The following SYNPR variants were observed in gnomAD, a reference collection of about 807,000 sequenced individuals.
SYNPR encodes synaptoporin.
In SYNPR, 23 loss-of-function variants were observed where a neutral mutation model predicts 32.9. The observed-to-expected ratio is 0.70, with a 90% CI of 0.50 to 0.99. The LOEUF (loss-of-function observed/expected upper bound fraction) is 0.99, where lower values mean the gene tolerates loss of function less well. Among genes scored for constraint, SYNPR ranks in the 50% least tolerant of loss-of-function variants. The pLI is 0.00. For missense variants in SYNPR, 318 were observed against 349.3 expected, an observed-to-expected ratio of 0.91 and a Z score of 0.71; for synonymous variants, 146 against 135.9, an observed-to-expected ratio of 1.07 and a Z score of -0.52.
At chr3:63,248,337 G>C (rs761879288) in intron 1 of SYNPR, among the ~76,000 whole-genome samples, 11 of 152,092 alleles carry the variant, frequency 7.2e-5, no homozygotes, top group Non-Finnish European at 1.2e-4. Context: ...ATGGCTTCAG[G>C]ACATGGTAGC....
At chr3:63,484,435 T>C (rs904564576) in intron 3 of SYNPR, among the ~76,000 whole-genome samples, 2 of 152,122 alleles carry the variant, frequency 1.3e-5, no homozygotes, top group African/African-American at 4.8e-5. Context: ...AATATATTTG[T>C]AGAAAGCCTA....
At chr3:63,474,979 T>A (rs567055923) in intron 2 of SYNPR, among the ~76,000 whole-genome samples, 1 of 152,180 alleles carries the variant, frequency 6.6e-6, no homozygotes, top group Non-Finnish European at 1.5e-5. Flanking sequence ...AGGATTAATA[T>A]CACCTTTCAT....
intron 2 of SYNPR, among the ~76,000 whole-genome samples, chr3:63,370,033 G>T (rs1275020808): frequency 6.6e-6 from 1 of 152,086 alleles, no homozygotes; most frequent in Non-Finnish European, 1.5e-5. Context: ...CTAAAGCAGG[G>T]AATAAAATTT....
At chr3:63,339,564 G>T (rs2087337174) in intron 2 of SYNPR, among the ~76,000 whole-genome samples, 1 of 151,894 alleles carries the variant, frequency 6.6e-6, no homozygotes, top group Non-Finnish European at 1.5e-5. Context: ...GTGCACATGT[G>T]TGTGTGTATT....
chr3:63,529,287 A>AGTAAATGCAAT (rs1157540506), intron 3 of SYNPR, among the ~76,000 whole-genome samples: 4 of 152,248 alleles, frequency 2.6e-5, no homozygotes, highest in African/African-American at 9.6e-5. Flanking sequence ...TACTTATAAT[A>AGTAAATGCAAT]GTAAATGCAA....
At chr3:63,577,808 A>G (rs1703011772) in intron 4 of SYNPR, among the ~76,000 whole-genome samples, 1 of 152,128 alleles carries the variant, frequency 6.6e-6, no homozygotes, top group South Asian at 2.1e-4. Context: ...AGGCATGATG[A>G]ATTCTAAGTC....
Position 63,278,336 on chromosome 3 carries a change from G to T in SYNPR, c.-198G>T, listed in dbSNP as rs2086595347. ...CCTCGCTGACTCGCTTCGCTTCCCC[G>T]ACGCGCTGGGTTCCCGGAGCGCAGA... On this transcript the variant is annotated 5_prime_UTR_variant, in exon 1 of 6. Coordinates refer to ENST00000478300, the MANE Select transcript of SYNPR (RefSeq NM_001130003.2). 1.6e-6 allele frequency: 1 copy of T among 639,150 alleles called. No homozygotes were observed. The highest frequency in any genetic ancestry group is 3.2e-5 in the Admixed American group (1 of 31,196). 39.6% of individuals were successfully genotyped at this position (639,150 alleles called of 1,614,324 possible).
chr3:63,237,133 C>G (rs1464865158), intron 1 of SYNPR, among the ~76,000 whole-genome samples: 3 of 151,944 alleles, frequency 2.0e-5, no homozygotes, highest in Non-Finnish European at 4.4e-5. Flanking sequence ...AATGCTTTTT[C>G]TATGTCAATT....
chr3:63,534,398 A>G (rs1201710333), intron 3 of SYNPR, among the ~76,000 whole-genome samples: 6 of 152,144 alleles, frequency 3.9e-5, no homozygotes, highest in Non-Finnish European at 8.8e-5. Context: ...TAGAAATTAC[A>G]TTTTTTCTCA....
chr3:63,442,249 A>AGC (rs1376409824), intron 2 of SYNPR, among the ~76,000 whole-genome samples: 6 of 121,550 alleles, frequency 4.9e-5, no homozygotes, highest in African/African-American at 2.2e-4. Context: ...TAGGAAGGAA[A>AGC]GCGAGAGAGA....
Position 63,483,489 on chromosome 3 carries a change from C to T in SYNPR, c.209+2533C>T, listed in dbSNP as rs1233350249. On this transcript the variant is annotated intron_variant, in intron 3 of 5. Coordinates refer to ENST00000478300, the MANE Select transcript of SYNPR (RefSeq NM_001130003.2). ...TGGAAGGATACAGACAAACAGTTAACAGGGATTACTTTTGGGGAAGGATGT... is the reference window on the plus strand; with the variant it reads ...TGGAAGGATACAGACAAACAGTTAATAGGGATTACTTTTGGGGAAGGATGT... 1.3e-5 allele frequency among the ~76,000 whole-genome samples: 2 copies of T among 152,076 alleles called. 1 individual carries two copies. The highest frequency in any genetic ancestry group is 4.1e-4 in the South Asian group (2 of 4,826).
chr3:63,604,028 T>C (rs893884501), intron 4 of SYNPR, among the ~76,000 whole-genome samples: 9 of 152,248 alleles, frequency 5.9e-5, no homozygotes, highest in African/African-American at 2.2e-4. Flanking sequence ...ATTTCAGAAG[T>C]CATTATTAGT....
chr3:63,458,325 G>A (rs1320403183), intron 2 of SYNPR, among the ~76,000 whole-genome samples: 1 of 152,062 alleles, frequency 6.6e-6, no homozygotes, highest in East Asian at 1.9e-4. Flanking sequence ...ATGATTCTGT[G>A]GGTCAGCAAT....
intron 2 of SYNPR, among the ~76,000 whole-genome samples, chr3:63,409,067 T>C (rs2088427037): frequency 1.3e-5 from 2 of 152,054 alleles, no homozygotes; most frequent in African/African-American, 4.8e-5. Context: ...TAAAGATCAA[T>C]CCATCTGCAG....
intron 3 of SYNPR, among the ~76,000 whole-genome samples, chr3:63,494,423 A>ATATATACACATC (rs1196491762): frequency 7.1e-6 from 1 of 139,922 alleles, no homozygotes; most frequent in African/African-American, 2.7e-5. Flanking sequence ...ATATACGTAT[A>ATATATACACATC]TATATATATA....
chr3:63,414,257 TTTTGTGGGCTTTTTTC>T (rs1226698026), intron 2 of SYNPR, among the ~76,000 whole-genome samples: 29 of 152,198 alleles, frequency 1.9e-4, no homozygotes, highest in Non-Finnish European at 3.4e-4. Context: ...CAGTAATTAG[TTTTGTGGGCTTTTTTC>T]TTACAAATGT....
chr3:63,265,780 C>T (rs2086481120), intron 2 of SYNPR, among the ~76,000 whole-genome samples: 1 of 152,114 alleles, frequency 6.6e-6, no homozygotes, highest in Non-Finnish European at 1.5e-5. Flanking sequence ...CTGTGAATAT[C>T]ACCACTGTTG....
chr3:63,452,338 A>C (rs1700394220), intron 2 of SYNPR, among the ~76,000 whole-genome samples: 1 of 152,184 alleles, frequency 6.6e-6, no homozygotes, highest in African/African-American at 2.4e-5. Context: ...AGTAAGTGCT[A>C]AAAATAAAAG....
intron 2 of SYNPR, among the ~76,000 whole-genome samples, chr3:63,381,908 T>G (rs1285874550): frequency 6.6e-6 from 1 of 152,194 alleles, no homozygotes; most frequent in African/African-American, 2.4e-5. Flanking sequence ...TAGGGGTTCC[T>G]TCAGGCATTT....
Sources: gnomAD v4.1 joint callset for allele counts (sites outside exome capture counted in the v4.1 genomes callset) on GRCh38, gnomAD v4.1.1 for gene constraint, MANE v1.5 for transcripts, NCBI Gene and HGNC (gene_info 2026-07-23, HGNC 2026-07-21) for gene names.